Variants in SAMD5 observed in about 807,000 individuals in gnomAD.
SAMD5 encodes sterile alpha motif domain-containing protein 5.
In SAMD5, 13 loss-of-function variants were observed where a neutral mutation model predicts 11.3. That is an observed-to-expected ratio of 1.15 (90% CI 0.75 to 1.83). SAMD5 has a LOEUF of 1.83. Ranked by LOEUF, SAMD5 falls within the 40% of genes most tolerant of loss-of-function variation. The pLI is 0.00. For synonymous variants in SAMD5, 129 were observed against 111.3 expected, an observed-to-expected ratio of 1.16 and a Z score of -1.00; for missense variants, 255 against 239.1, an observed-to-expected ratio of 1.07 and a Z score of -0.44.
intron 1 of SAMD5, among the ~76,000 whole-genome samples, chr6:147,656,128 G>A (rs1790563068): frequency 6.6e-6 from 1 of 152,060 alleles, no homozygotes; most frequent in Admixed American, 6.6e-5. Flanking sequence ...CAACTGGAAA[G>A]CAATTTTGAA....
intron 1 of SAMD5, among the ~76,000 whole-genome samples, chr6:147,704,562 A>T (rs1199765866): frequency 3.9e-5 from 6 of 152,286 alleles, no homozygotes; most frequent in South Asian, 2.1e-4. Context: ...ATCAGAAAAA[A>T]AAAGGGCTGT....
chr6:147,849,653 C>T, the SAMD5 span, among the ~76,000 whole-genome samples: 1 of 152,064 alleles, frequency 6.6e-6, no homozygotes, highest in East Asian at 1.9e-4. Context: ...CAAATTAGTT[C>T]AAGGCAAGCC....
Position 147,508,918 on chromosome 6 carries a change from CCGGTCCCA to C in SAMD5, c.-9_-2del. On this transcript the variant is annotated 5_prime_UTR_variant, in exon 1 of 2. Transcript: ENST00000367474. ...GGGAAGGTGCTCGGCGGCGGGGTTC[CCGGTCCCA>C]CCATGTGCACCAACATAGTTTACGA... 1 of 1,586,400 alleles carries C rather than the reference CCGGTCCCA, an allele frequency of 6.3e-7. No individual in the cohort carries two copies. The highest frequency in any genetic ancestry group is 8.6e-7 in the Non-Finnish European group (1 of 1,167,544).
At chr6:147,878,597 ATATATATC>A in the SAMD5 span, among the ~76,000 whole-genome samples, 1 of 144,922 alleles carries the variant, frequency 6.9e-6, no homozygotes, top group Non-Finnish European at 1.5e-5. Context: ...ATATATATAC[ATATATATC>A]TATATAGATA....
At chr6:147,946,335 T>C in the SAMD5 span, among the ~76,000 whole-genome samples, 6 of 152,212 alleles carry the variant, frequency 3.9e-5, no homozygotes, top group African/African-American at 1.4e-4. Flanking sequence ...TTTTTGTAAG[T>C]ATCTGATTTT....
rs142057302 is a variant in SAMD5 at position 147,631,579 on chromosome 6, T to C, written c.163-105738T>C. ...AAGGCCAGTCTGTTATGGAACTGTA[T>C]AGAGGTGGGAAGGCCAAACCGAGGA... On this transcript the variant is annotated intron_variant, in intron 1 of 1. Coordinates refer to the SAMD5 transcript ENST00000566741. Among the ~76,000 whole-genome samples the C allele has an allele frequency of 6.8e-4, 103 of 152,222 alleles. 1 individual carries two copies. Among genetic ancestry groups the C allele is most frequent in the African/African-American group, 2.3e-3 (94 of 41,542 alleles).
At chr6:147,512,253 G>A (rs368675490) in intron 1 of SAMD5, among the ~76,000 whole-genome samples, 7 of 152,112 alleles carry the variant, frequency 4.6e-5, no homozygotes, top group Non-Finnish European at 8.8e-5. Context: ...ACCGCACCCC[G>A]CCAGAATGTG....
the SAMD5 span, among the ~76,000 whole-genome samples, chr6:147,910,108 A>G: frequency 6.6e-6 from 1 of 152,106 alleles, no homozygotes; most frequent in Admixed American, 6.5e-5. Context: ...CCAGTCTGGT[A>G]AGAGAGAATG....
intron 1 of SAMD5, among the ~76,000 whole-genome samples, chr6:147,718,050 A>G (rs1304090913): frequency 1.3e-5 from 2 of 152,198 alleles, no homozygotes; most frequent in Non-Finnish European, 2.9e-5. Flanking sequence ...CATTCACAAG[A>G]GAAATTTCCC....
chr6:147,852,883 A>G, the SAMD5 span, among the ~76,000 whole-genome samples: 3 of 152,110 alleles, frequency 2.0e-5, no homozygotes, highest in African/African-American at 7.2e-5. Context: ...CAATTTAACT[A>G]ATTTGTTAGG....
rs535026861 is a variant in SAMD5 at position 147,509,202 on chromosome 6, A to C, written c.274A>C (p.Thr92Pro). The change falls in exon 1 of 2, where the codon ACC (threonine) becomes CCC (proline). Residue 92 changes from threonine (T) to proline (P), a missense_variant. Physicochemically the swap from Thr to Pro is conservative, Grantham distance 38 (BLOSUM62 -1). Coordinates refer to ENST00000367474, the MANE Select transcript of SAMD5 (RefSeq NM_001030060.3). ...PPGPPADAVPTGRRGEPCGGP... is the reference protein window; with the variant it reads ...PPGPPADAVPPGRRGEPCGGP... ...CGGGCCGCCCGCCGACGCCGTCCCCACCGGCCGCCGGGGGGAGCCGTGCGG... is the reference window on the plus strand; with the variant it reads ...CGGGCCGCCCGCCGACGCCGTCCCCCCCGGCCGCCGGGGGGAGCCGTGCGG... The C allele has an allele frequency of 1.0e-4, 133 of 1,296,176 alleles. 4 individuals carry two copies. The South Asian group carries it at 3.2e-3, about 31-fold the overall frequency. The allele number at this position is 1,296,176 out of a possible 1,614,324, so 80.3% of individuals were successfully genotyped here.
the SAMD5 span, among the ~76,000 whole-genome samples, chr6:147,876,682 CTGTT>C: frequency 5.9e-5 from 9 of 152,344 alleles, no homozygotes; most frequent in South Asian, 2.1e-4. Context: ...AAAAATAACT[CTGTT>C]TGACTTGGCA....
At chr6:147,799,668 C>T in the SAMD5 span, among the ~76,000 whole-genome samples, 1,702 of 151,076 alleles carry the variant, frequency 0.011, 43 homozygotes, top group African/African-American at 0.039. Context: ...GAGTGTTTTC[C>T]AACTTGGTTC....
chr6:147,772,844 T>A, the SAMD5 span, among the ~76,000 whole-genome samples: 3,868 of 152,238 alleles, frequency 0.025, 177 homozygotes, highest in African/African-American at 0.088. Context: ...CTTCAACATA[T>A]GAGTTTGGGA....
the SAMD5 span, among the ~76,000 whole-genome samples, chr6:147,822,318 C>T: frequency 6.6e-6 from 1 of 152,088 alleles, no homozygotes; most frequent in African/African-American, 2.4e-5. Context: ...TTATTTGAAC[C>T]ATCATCATTG....
the SAMD5 span, among the ~76,000 whole-genome samples, chr6:147,891,252 G>T: frequency 1.9e-3 from 296 of 152,178 alleles, 3 homozygotes; most frequent in Middle Eastern, 6.8e-3. Flanking sequence ...TGTATCACTC[G>T]AATTCTTAGA....
chr6:147,770,861 T>C, the SAMD5 span, among the ~76,000 whole-genome samples: 2 of 152,210 alleles, frequency 1.3e-5, no homozygotes, highest in African/African-American at 4.8e-5. Context: ...TACTGTGCAA[T>C]TCAAGTGAAA....
chr6:147,620,612 A>G (rs1246684659), intron 1 of SAMD5, among the ~76,000 whole-genome samples: 1 of 152,208 alleles, frequency 6.6e-6, no homozygotes, highest in Non-Finnish European at 1.5e-5. Flanking sequence ...AAACACTTCT[A>G]GAAGGACCCG....
chr6:147,735,084 G>T (rs557483004), intron 1 of SAMD5, among the ~76,000 whole-genome samples: 1 of 152,282 alleles, frequency 6.6e-6, no homozygotes, highest in South Asian at 2.1e-4. Context: ...AAAAGAGCTG[G>T]TTAAATGTTT....
Sources: allele counts gnomAD v4.1 joint callset (sites outside exome capture counted in the v4.1 genomes callset), GRCh38; gene constraint gnomAD v4.1.1; transcripts MANE v1.5; gene names NCBI Gene and HGNC (gene_info 2026-07-23, HGNC 2026-07-21).